Variants in GALNTL6 observed in about 807,000 individuals in gnomAD.
GALNTL6 encodes the protein polypeptide N-acetylgalactosaminyltransferase-like 6.
Under a neutral mutation model 73.7 loss-of-function variants are expected in GALNTL6, and 46 were observed. That is an observed-to-expected ratio of 0.62 (90% confidence interval 0.49 to 0.80). The LOEUF is 0.80. Ranked by LOEUF, GALNTL6 falls within the 30% of genes least tolerant of loss-of-function variation. The pLI is 0.00. For synonymous variants in GALNTL6, 259 were observed against 263.7 expected (o/e 0.98, Z 0.17); for missense variants, 604 against 755.0 (o/e 0.80, Z 2.34).
chr4:172,085,659 TC>T (rs1732010193), intron 2 of GALNTL6, among the ~76,000 whole-genome samples: 1 of 151,668 alleles, frequency 6.6e-6, no homozygotes, highest in African/African-American at 2.4e-5. Flanking sequence ...GGCAAGAAAA[TC>T]ATCTTAATTA....
At chr4:172,002,991 T>C (rs1466320139) in intron 2 of GALNTL6, among the ~76,000 whole-genome samples, 2 of 152,134 alleles carry the variant, frequency 1.3e-5, no homozygotes, top group African/African-American at 2.4e-5. Context: ...AACAGTATCA[T>C]TTTGGCACAT....
intron 5 of GALNTL6, among the ~76,000 whole-genome samples, chr4:172,396,139 T>C (rs111408231): frequency 6.6e-6 from 1 of 152,086 alleles, no homozygotes; most frequent in East Asian, 1.9e-4. Context: ...ACATTTTTCC[T>C]TATAATAACT....
chr4:172,859,151 A>T (rs1350608154), intron 7 of GALNTL6, among the ~76,000 whole-genome samples: 2 of 152,174 alleles, frequency 1.3e-5, no homozygotes, highest in Non-Finnish European at 2.9e-5. Flanking sequence ...ACCAACTTCA[A>T]CGAAAATGGA....
rs555903926 is a variant in GALNTL6, at chr4:172,712,462, G to A, written c.554-96899G>A. 4.6e-5 allele frequency among the ~76,000 whole-genome samples: 7 copies of A among 152,020 alleles called. 1 individual carries two copies. The highest frequency in any genetic ancestry group is 1.7e-4 in the African/African-American group (7 of 41,466). On this transcript the variant is annotated intron_variant, in intron 5 of 12. Transcript: ENST00000506823. ...CCCCACTCCCCCCACCTCACAACAG[G>A]CCCCGGTGTGTGATGTTCCCCTTTG...
intron 7 of GALNTL6, among the ~76,000 whole-genome samples, chr4:172,861,496 A>G (rs1744392630): frequency 6.6e-6 from 1 of 152,192 alleles, no homozygotes; most frequent in Admixed American, 6.5e-5. Context: ...TGTTCAGATT[A>G]TATAGGAAGA....
chr4:171,854,433 A>T (rs1008436524), intron 2 of GALNTL6, among the ~76,000 whole-genome samples: 7 of 152,314 alleles, frequency 4.6e-5, no homozygotes, highest in Admixed American at 3.9e-4. Flanking sequence ...ATCAACATTC[A>T]CAAAATTGAC....
At chr4:171,833,299 A>G (rs1180708148) in intron 2 of GALNTL6, among the ~76,000 whole-genome samples, 1 of 151,684 alleles carries the variant, frequency 6.6e-6, no homozygotes. Context: ...ATTATTGCTG[A>G]CAACAAATGG....
intron 5 of GALNTL6, among the ~76,000 whole-genome samples, chr4:172,618,090 A>G (rs1043836520): frequency 1.1e-4 from 16 of 152,220 alleles, no homozygotes; most frequent in African/African-American, 3.6e-4. Context: ...CCAAATTTCA[A>G]TGTATTCTCT....
At chr4:172,118,228 T>G (rs1261760375) in intron 2 of GALNTL6, among the ~76,000 whole-genome samples, 4 of 152,204 alleles carry the variant, frequency 2.6e-5, no homozygotes, top group Non-Finnish European at 5.9e-5. Flanking sequence ...CTTGGAATTT[T>G]TAATTTGAAA....
intron 5 of GALNTL6, among the ~76,000 whole-genome samples, chr4:172,615,970 A>G (rs1229301042): frequency 1.3e-5 from 2 of 152,222 alleles, no homozygotes; most frequent in East Asian, 3.9e-4. Flanking sequence ...AAGTATTAAA[A>G]TGTTGTGATA....
At chr4:172,588,008 A>G (rs1737486540) in intron 5 of GALNTL6, among the ~76,000 whole-genome samples, 1 of 152,104 alleles carries the variant, frequency 6.6e-6, no homozygotes, top group East Asian at 1.9e-4. Context: ...AAAAATATTC[A>G]CTGACTACTT....
rs542484990 is a variant in GALNTL6 at position 171,830,220 on chromosome 4, A to G, written c.138+15502A>G. Among the ~76,000 whole-genome samples, 4 of 152,268 alleles carry G rather than the reference A, an allele frequency of 2.6e-5. No homozygotes were observed. In the South Asian group the frequency reaches 8.3e-4, roughly 32 times the overall value. On this transcript the variant is annotated intron_variant, in intron 2 of 12. Coordinates refer to ENST00000506823, the MANE Select transcript of GALNTL6 (RefSeq NM_001034845.3). ...ATTCTCTAATAGAACTTCCAGAGGTAGTGCATCCCTGCCAACACCTTGATT... is the reference window on the plus strand; with the variant it reads ...ATTCTCTAATAGAACTTCCAGAGGTGGTGCATCCCTGCCAACACCTTGATT...
At chr4:172,815,597 A>C (rs1410662597) in intron 7 of GALNTL6, among the ~76,000 whole-genome samples, 1 of 152,214 alleles carries the variant, frequency 6.6e-6, no homozygotes, top group Non-Finnish European at 1.5e-5. Flanking sequence ...AGGAATCTGC[A>C]GTGGAGACAG....
intron 5 of GALNTL6, among the ~76,000 whole-genome samples, chr4:172,430,334 A>G (rs1001756385): frequency 1.3e-4 from 20 of 152,058 alleles, no homozygotes; most frequent in Non-Finnish European, 7.4e-5. Flanking sequence ...CCTTGACTAC[A>G]GTGAAATGAC....
intron 2 of GALNTL6, among the ~76,000 whole-genome samples, chr4:171,936,691 T>G (rs1738359010): frequency 3.3e-5 from 5 of 152,148 alleles, no homozygotes; most frequent in Admixed American, 3.3e-4. Flanking sequence ...ACAAGATATT[T>G]AAAAACCTAT....
intron 5 of GALNTL6, among the ~76,000 whole-genome samples, chr4:172,695,129 A>G (rs1177938213): frequency 2.6e-5 from 4 of 152,260 alleles, no homozygotes; most frequent in East Asian, 3.8e-4. Flanking sequence ...ATGAAACCCT[A>G]TAAATGTCAG....
intron 5 of GALNTL6, among the ~76,000 whole-genome samples, chr4:172,475,098 G>C (rs1474138025): frequency 6.6e-6 from 1 of 152,204 alleles, no homozygotes; most frequent in Non-Finnish European, 1.5e-5. Flanking sequence ...AAAAGGAATA[G>C]TTAAATCAAA....
chr4:172,180,174 A>G (rs527912978), intron 2 of GALNTL6, among the ~76,000 whole-genome samples: 3 of 151,948 alleles, frequency 2.0e-5, no homozygotes, highest in Non-Finnish European at 2.9e-5. Flanking sequence ...TGTGGCTTTT[A>G]TTTGCATTTC....
chr4:172,983,951 C>T (rs1045946485), intron 10 of GALNTL6, among the ~76,000 whole-genome samples: 2 of 151,432 alleles, frequency 1.3e-5, no homozygotes, highest in African/African-American at 2.4e-5. Context: ...TTAAAAACTA[C>T]AGTCATTTTC....
Sources: gnomAD v4.1 joint callset for allele counts (sites outside exome capture counted in the v4.1 genomes callset) on GRCh38, gnomAD v4.1.1 for gene constraint, MANE v1.5 for transcripts, NCBI Gene and HGNC (gene_info 2026-07-23, HGNC 2026-07-21) for gene names.